The following SLCO3A1 variants were observed in gnomAD, a reference collection of about 807,000 sequenced individuals.
SLCO3A1 encodes PGE1 transporter.
A neutral mutation model predicts 63.1 loss-of-function variants in SLCO3A1; 27 were observed. The observed-to-expected ratio is 0.43, with a 90% CI of 0.32 to 0.59. The LOEUF is 0.59. Among genes scored for constraint, SLCO3A1 ranks in the 20% least tolerant of loss-of-function variants. SLCO3A1 has a pLI of 0.09. For missense variants in SLCO3A1, 773 were observed against 945.8 expected (o/e 0.82, Z 2.40); for synonymous variants, 473 against 409.9 (o/e 1.15, Z -1.86).
rs1899651417 is a variant in SLCO3A1 at position 91,942,350 on chromosome 15, C to T, written c.646+25892C>T. 6.6e-6 allele frequency among the ~76,000 whole-genome samples: 1 copy of T among 152,176 alleles called. No individual in the cohort carries two copies. Among genetic ancestry groups the T allele is most frequent in the African/African-American group, 2.4e-5 (1 of 41,432 alleles). On this transcript the variant is annotated intron_variant, in intron 2 of 9. Transcript: ENST00000318445. This position sits in a 1 kb window ranked among gnomAD's most constrained non-coding sequence, Gnocchi z 4.1. The stretch of plus-strand genomic sequence containing the variant: ...CACAGTGGTGATATGAGAACACACA[C>T]CTGTCCATCGTTGAGATTTTGTTTT...
intron 2 of SLCO3A1, among the ~76,000 whole-genome samples, chr15:91,982,423 G>A (rs1481261891): frequency 6.6e-6 from 1 of 152,250 alleles, no homozygotes; most frequent in Non-Finnish European, 1.5e-5. Context: ...GCTAATTAAA[G>A]ATTCCTTTAA....
rs2048237891 is a variant in SLCO3A1, at chr15:92,147,186, T to G, written c.1688+27T>G. The G allele has an allele frequency of 3.1e-6, 5 of 1,591,680 alleles. No individual in the cohort carries two copies. In the South Asian group the frequency reaches 3.4e-5, roughly 11 times the overall value. On this transcript the variant is annotated intron_variant, in intron 8 of 9. Transcript: ENST00000318445. ...TAAGCCCTCGGCACAGCCCCGCCTC[T>G]CCTCCTTTCCACCTGGTGTTCATCT...
intron 2 of SLCO3A1, among the ~76,000 whole-genome samples, chr15:91,957,753 A>T (rs1900292469): frequency 1.3e-5 from 2 of 152,162 alleles, no homozygotes; most frequent in Non-Finnish European, 2.9e-5. Flanking sequence ...ATTTTTCTCC[A>T]TAGAACTTAG....
intron 9 of SLCO3A1, among the ~76,000 whole-genome samples, chr15:92,152,031 G>C (rs879612425): frequency 6.6e-6 from 1 of 152,164 alleles, no homozygotes; most frequent in Admixed American, 6.5e-5. Flanking sequence ...GACTTAGAAA[G>C]GGCATGTGAT....
At chr15:92,014,812 G>C (rs2151465300) in intron 2 of SLCO3A1, among the ~76,000 whole-genome samples, 1 of 152,258 alleles carries the variant, frequency 6.6e-6, no homozygotes, top group East Asian at 1.9e-4. Context: ...AGCATTCTGG[G>C]AACTCAGCGT....
rs186889053 is a variant in SLCO3A1 at position 92,033,880 on chromosome 15, G to A, written c.647-61001G>A. On this transcript the variant is annotated intron_variant, in intron 2 of 9. Transcript: ENST00000318445. The surrounding 1 kb of genome is among the most constrained non-coding windows in gnomAD (Gnocchi z 4.5). The stretch of plus-strand genomic sequence containing the variant: ...AAACATTCCAGACAGACCAGTGAGG[G>A]CTGAGGCTTATTAGGGCTGGAGCAG... Among the ~76,000 whole-genome samples the A allele has an allele frequency of 9.9e-5, 15 of 152,264 alleles. No individual in the cohort carries two copies. The East Asian group carries it at 1.7e-3, about 18-fold the overall frequency.
chr15:92,050,627 C>G (rs2046945631), intron 2 of SLCO3A1, among the ~76,000 whole-genome samples: 2 of 152,232 alleles, frequency 1.3e-5, no homozygotes. Flanking sequence ...GTCCACTGTG[C>G]TAGTCCTGGC....
intron 2 of SLCO3A1, among the ~76,000 whole-genome samples, chr15:91,921,842 G>A (rs1167176205): frequency 6.6e-6 from 1 of 151,776 alleles, no homozygotes; most frequent in Non-Finnish European, 1.5e-5. Flanking sequence ...TGATTCTCGT[G>A]CCTCATCCTC....
intron 1 of SLCO3A1, among the ~76,000 whole-genome samples, chr15:91,857,030 G>A (rs974038653): frequency 1.0e-4 from 2 of 19,396 alleles, no homozygotes; most frequent in Non-Finnish European, 1.7e-4. Context: ...AGGAGGACTC[G>A]TGTGTGTGTG....
intron 3 of SLCO3A1, among the ~76,000 whole-genome samples, chr15:92,103,449 T>G (rs1470571021): frequency 6.6e-6 from 1 of 152,146 alleles, no homozygotes; most frequent in African/African-American, 2.4e-5. Context: ...ATAGCCCCTT[T>G]AAGCACATGA....
intron 1 of SLCO3A1, among the ~76,000 whole-genome samples, chr15:91,855,018 C>G (rs1014630049): frequency 6.6e-6 from 1 of 152,086 alleles, no homozygotes; most frequent in African/African-American, 2.4e-5. Context: ...ACAGTCCTGT[C>G]TAAACGGGAA....
In SLCO3A1 at chr15:92,122,152, C is replaced by T. The variant is rs139072759; in HGVS notation, c.1174+1523C>T. On this transcript the variant is annotated intron_variant, in intron 5 of 9. Transcript: ENST00000318445. The stretch of plus-strand genomic sequence containing the variant: ...GGAGCCCACAGCTGGGGATTTGCAG[C>T]AGAGAGAGGGAATGTGGTGGACAGC... Among the ~76,000 whole-genome samples, 6 of 152,074 alleles carry T rather than the reference C, an allele frequency of 3.9e-5. No individual in the cohort carries two copies. In the East Asian group the frequency reaches 1.2e-3, roughly 29 times the overall value.
chr15:91,994,106 G>T (rs4932595), intron 2 of SLCO3A1, among the ~76,000 whole-genome samples: 26,810 of 152,108 alleles, frequency 0.18, 2,874 homozygotes, highest in East Asian at 0.34. Flanking sequence ...CATGATAAAT[G>T]TTTATTGTAT....
At chr15:91,898,527 G>A (rs114517957) in intron 1 of SLCO3A1, among the ~76,000 whole-genome samples, 12 of 152,280 alleles carry the variant, frequency 7.9e-5, no homozygotes, top group African/African-American at 2.9e-4. Flanking sequence ...GGCTGAGAAG[G>A]CTGCACTCCC....
downstream of SLCO3A1, among the ~76,000 whole-genome samples, chr15:92,166,653 T>C (rs1472759719): frequency 2.6e-5 from 4 of 152,212 alleles, no homozygotes; most frequent in Non-Finnish European, 5.9e-5. Flanking sequence ...GGGATGGTAG[T>C]CACACCACTC....
Position 91,937,519 on chromosome 15 carries a change from A to G in SLCO3A1, c.646+21061A>G, listed in dbSNP as rs369747298. On this transcript the variant is annotated intron_variant, in intron 2 of 9. Transcript: ENST00000318445. ...CAGATCATGAGGTCAGGAGTTTGAG[A>G]CCAGCCTGGCCAACATAGTGAAACC... Among the ~76,000 whole-genome samples, 25 of 152,184 alleles carry G rather than the reference A, an allele frequency of 1.6e-4. No individual in the cohort carries two copies. In the South Asian group the frequency reaches 5.0e-3, roughly 30 times the overall value.
intron 5 of SLCO3A1, 108 bp from the exon 6 acceptor site, chr15:92,125,953 G>A: frequency 1.2e-6 from 1 of 865,716 alleles, no homozygotes; most frequent in Non-Finnish European, 1.9e-6. Context: ...ACACCACAGT[G>A]GGGTCATAGG....
At chr15:91,947,840 C>T (rs1031373439) in intron 2 of SLCO3A1, among the ~76,000 whole-genome samples, 2 of 152,092 alleles carry the variant, frequency 1.3e-5, no homozygotes, top group Non-Finnish European at 2.9e-5. Context: ...ACTTTGGGAC[C>T]CTGGGTCGGT....
At chr15:92,162,064 T>G (rs1386188182) in intron 9 of SLCO3A1, 2 of 151,292 alleles carry the variant, frequency 1.3e-5, no homozygotes, top group African/African-American at 4.9e-5. Flanking sequence ...CAGCAGAGGA[T>G]GATGATGATA....
Sources: gnomAD v4.1 joint callset for allele counts (sites outside exome capture counted in the v4.1 genomes callset) on GRCh38, gnomAD v4.1.1 for gene constraint, Gnocchi (gnomAD v3.1) non-coding constraint, MANE v1.5 for transcripts, NCBI Gene and HGNC (gene_info 2026-07-23, HGNC 2026-07-21) for gene names.